APOL2: variants seen among roughly 807,000 people sequenced by gnomAD.
The protein encoded by APOL2 is apolipoprotein L2.
In APOL2, 8 loss-of-function variants were observed where a neutral mutation model predicts 7.1. The observed-to-expected ratio is 1.12, with a 90% CI of 0.66 to 2.03. The LOEUF is 2.03. Ranked by LOEUF, APOL2 falls within the 30% of genes most tolerant of loss-of-function variation. The pLI, the probability that APOL2 is intolerant of heterozygous loss-of-function variation, is 0.00. For missense variants in APOL2, 471 were observed against 415.1 expected, an observed-to-expected ratio of 1.13 and a Z score of -1.17; for synonymous variants, 177 against 159.9, an observed-to-expected ratio of 1.11 and a Z score of -0.81.
At chr22:36,228,456 A>G (rs569337792) in intron 4 of APOL2, among the ~76,000 whole-genome samples, 176 bp from the exon 5 acceptor site, 4 of 152,252 alleles carry the variant, frequency 2.6e-5, no homozygotes, top group Non-Finnish European at 5.9e-5. Flanking sequence ...TTCATCATAG[A>G]TATTCCTCAG....
At chr22:36,236,277 A>G (rs1466895572) in intron 1 of APOL2, among the ~76,000 whole-genome samples, 1 of 152,262 alleles carries the variant, frequency 6.6e-6, no homozygotes, top group Non-Finnish European at 1.5e-5. Flanking sequence ...CAAAGGTAGC[A>G]GTTGGGATGT....
chr22:36,239,845 C>T (rs1184776184), upstream of APOL2: 3 of 312,320 alleles, frequency 9.6e-6, no homozygotes, highest in East Asian at 6.9e-5. Context: ...CCGCTTGCCC[C>T]CCAACCCCCG....
Position 36,233,391 on chromosome 22 carries a change from C to G in APOL2, c.-80+11G>C. 2 of 1,553,976 alleles carry G rather than the reference C, an allele frequency of 1.3e-6. No homozygotes were observed. The highest frequency in any genetic ancestry group is 2.3e-5 in the South Asian group (2 of 85,118). ...CTGGGGCCCTGCCAGCTAGTATTTACAGAAACTCACCTCGTTCCAGCTTCC... is the reference window on the plus strand; with the variant it reads ...CTGGGGCCCTGCCAGCTAGTATTTAGAGAAACTCACCTCGTTCCAGCTTCC... On this transcript the variant is annotated intron_variant, in intron 2 of 4. Transcript: ENST00000358502.
At chr22:36,239,297 C>T in intron 1 of APOL2, 144 bp downstream of exon 1, 2 of 1,358,324 alleles carry the variant, frequency 1.5e-6, no homozygotes, top group Non-Finnish European at 1.9e-6. Flanking sequence ...GGTGCAAATC[C>T]CGGCTCTGCC....
Position 36,228,098 on chromosome 22 carries a change from T to C in APOL2, c.320A>G (p.Glu107Gly). The change falls in exon 5 of 5, where the codon GAG becomes GGG. Residue 107 changes from glutamate to glycine, a missense_variant. Transcript: ENST00000358502. Reference sequence around the variant, plus strand: ...AATGGTGGTGCCTCTGTGGACCTGCTCAACCTCCTCTGCAAGGGCACGGAG... The same window carrying C: ...AATGGTGGTGCCTCTGTGGACCTGCCCAACCTCCTCTGCAAGGGCACGGAG... ...RKLRALAEEV[E>G]QVHRGTTIAN... 6.2e-7 allele frequency: 1 copy of C among 1,614,242 alleles called. No individual in the cohort carries two copies. Among genetic ancestry groups the C allele is most frequent in the Non-Finnish European group, 8.5e-7 (1 of 1,180,036 alleles).
At chr22:36,239,079 T>C (rs977207133) in intron 1 of APOL2, 8 of 1,133,318 alleles carry the variant, frequency 7.1e-6, no homozygotes, top group Non-Finnish European at 8.7e-6. Flanking sequence ...CCTCCCCTCC[T>C]CCACCTTCTT....
rs1208968085 is a variant in APOL2 at position 36,228,166 on chromosome 22, CTCTT to C, written c.248_251del (p.Lys83SerfsTer5). The C allele has an allele frequency of 1.9e-6, 3 of 1,614,212 alleles. No homozygotes were observed. The highest frequency in any genetic ancestry group is 2.5e-6 in the Non-Finnish European group (3 of 1,180,036). On this transcript the variant is annotated frameshift_variant, in exon 5 of 5. Transcript: ENST00000358502. LOFTEE classifies it low-confidence loss of function (END_TRUNC). ...CAAGCTCCCTTTTCAACCGAGGAAA[CTCTT>C]TCAAAAACCACTGCCTGTGCTGCTG...
At chr22:36,230,152 G>A (rs1007458515) in intron 4 of APOL2, among the ~76,000 whole-genome samples, 1 of 152,228 alleles carries the variant, frequency 6.6e-6, no homozygotes, top group African/African-American at 2.4e-5. Flanking sequence ...GGTCAAGATG[G>A]TAGAGGAAGT....
chr22:36,234,212 T>C (rs2015326664), intron 1 of APOL2: 2 of 152,258 alleles, frequency 1.3e-5, no homozygotes, highest in Non-Finnish European at 2.9e-5. Context: ...TCAAAAGCTA[T>C]TAACATCTCA....
At position 36,231,370 on chromosome 22, in the gene APOL2, T is replaced by C; in HGVS notation, c.107A>G (p.Asn36Ser). The C allele has an allele frequency of 6.2e-7, 1 of 1,614,120 alleles. No individual in the cohort carries two copies. The highest frequency in any genetic ancestry group is 8.5e-7 in the Non-Finnish European group (1 of 1,179,948). The change falls in exon 4 of 5, where the codon AAT (asparagine) becomes AGT (serine). Residue 36 changes from asparagine to serine, a missense_variant. Asn to Ser is a conservative substitution (Grantham distance 46). Coordinates refer to ENST00000358502, the MANE Select transcript of APOL2 (RefSeq NM_030882.4). The part of the protein sequence containing the change: ...LQLLTDDEAW[N>S]GFVAAAELPR... ...CAGTTCAGCAGCAGCCACGAATCCA[T>C]TCCAGGCTTCATCATCAGTCAGCAG...
At chr22:36,229,299 G>C (rs2015136745) in intron 4 of APOL2, among the ~76,000 whole-genome samples, 1 of 152,150 alleles carries the variant, frequency 6.6e-6, no homozygotes, top group East Asian at 1.9e-4. Flanking sequence ...CCCCCACCCT[G>C]GTGTTGGCTG....
chr22:36,239,182 A>G lies in APOL2; in HGVS notation c.-134+259T>C, dbSNP rs113778326. 3,918 of 1,263,926 alleles carry G rather than the reference A, an allele frequency of 3.1e-3. 99 individuals are homozygous for G. In the African/African-American group the frequency reaches 0.052, roughly 17 times the overall value. The allele number at this position is 1,263,926 out of a possible 1,614,324, so 78.3% of individuals were successfully genotyped here. A position where few individuals can be genotyped will look rare whatever the true frequency, so the allele number is the denominator to read the frequency against. On this transcript the variant is annotated intron_variant, in intron 1 of 4. Transcript: ENST00000358502. ...CCGTGTCTGAGGGTGTCAGAACCAG[A>G]GCTGAGCCCGGGGAGCTTTGTGAAC...
At chr22:36,238,488 G>C (rs1041627108) in intron 1 of APOL2, among the ~76,000 whole-genome samples, 15 of 152,088 alleles carry the variant, frequency 9.9e-5, no homozygotes, top group African/African-American at 3.6e-4. Context: ...CACAGCTCTT[G>C]GAGGGCAGAG....
chr22:36,227,798 A>G lies in APOL2; in HGVS notation c.620T>C (p.Leu207Pro). ...TTGGTACCAATTGTCAACTAAGGTA[A>G]GAACATTGGGTGTGTTCCCACCCAC... The part of the protein sequence containing the change: ...EFVGGNTPNV[L>P]TLVDNWYQVT... Residue 207 changes from leucine (L) to proline (P), a missense_variant, in exon 5 of 5, where the codon CTT becomes CCT. Physicochemically the swap from Leu to Pro is moderately conservative, Grantham distance 98. Transcript: ENST00000358502. The G allele has an allele frequency of 6.2e-7, 1 of 1,614,252 alleles. No homozygotes were observed. The highest frequency in any genetic ancestry group is 1.1e-5 in the South Asian group (1 of 91,088).
At position 36,227,298 on chromosome 22, in the gene APOL2, A is replaced by G. The variant is rs1340510366; in HGVS notation, c.*106T>C. On this transcript the variant is annotated 3_prime_UTR_variant, in exon 5 of 5. Coordinates refer to ENST00000358502, the MANE Select transcript of APOL2 (RefSeq NM_030882.4). The stretch of plus-strand genomic sequence containing the variant: ...GCCACTGCACTCCATCCTGGGCGAT[A>G]GAGCGAGACTCCATCTCAAAAAAAA... 2 of 1,366,860 alleles carry G rather than the reference A, an allele frequency of 1.5e-6. No homozygotes were observed. Among genetic ancestry groups the G allele is most frequent in the Non-Finnish European group, 1.9e-6 (2 of 1,031,094 alleles). The allele number at this position is 1,366,860 out of a possible 1,614,324, so 84.7% of individuals were successfully genotyped here.
rs572375798 is a variant in APOL2 at position 36,226,782 on chromosome 22, T to A, written c.*622A>T. The A allele has an allele frequency of 6.3e-6, 1 of 157,670 alleles. No individual in the cohort carries two copies. The highest frequency in any genetic ancestry group is 1.8e-4 in the South Asian group (1 of 5,674). 9.8% of individuals were successfully genotyped at this position (157,670 alleles called of 1,614,324 possible). A position where few individuals can be genotyped will look rare whatever the true frequency, so the allele number is the denominator to read the frequency against. ...CTTCTCATTGCTGGTTCCTGCAAGC[T>A]CCCCCTCTATTCTTCGCCCAATATA... On this transcript the variant is annotated 3_prime_UTR_variant, in exon 5 of 5. Transcript: ENST00000358502.
chr22:36,230,496 A>G (rs1000145457), intron 4 of APOL2, among the ~76,000 whole-genome samples: 8 of 152,038 alleles, frequency 5.3e-5, no homozygotes, highest in African/African-American at 1.7e-4. Flanking sequence ...TCCACACCCT[A>G]GTCCCAGCCC....
chr22:36,227,675 C>G lies in APOL2; in HGVS notation c.743G>C (p.Arg248Pro). 1 of 1,614,248 alleles carries G rather than the reference C, an allele frequency of 6.2e-7. No individual in the cohort carries two copies. Among genetic ancestry groups the G allele is most frequent in the Non-Finnish European group, 8.5e-7 (1 of 1,180,046 alleles). Reference sequence around the variant, plus strand: ...CTGTTCACCGCCTTCAGCTGAGATTCGCCCAATGACATGCGGGGGTGGGGC... The same window carrying G: ...CTGTTCACCGCCTTCAGCTGAGATTGGCCCAATGACATGCGGGGGTGGGGC... ...AYAPPPHVIG[R>P]ISAEGGEQVE... The change falls in exon 5 of 5, where the codon CGA becomes CCA. Residue 248 changes from arginine to proline, a missense_variant. By Grantham distance (103) the Arg-to-Pro change is moderately radical (BLOSUM62 -2). Coordinates refer to ENST00000358502, the MANE Select transcript of APOL2 (RefSeq NM_030882.4).
rs2015070991 is a variant in APOL2, at chr22:36,227,884, T to C, written c.534A>G (p.Arg178=). Residue 178 remains arginine (R), a synonymous_variant, in exon 5 of 5, where the codon CGA becomes CGG. Coordinates refer to ENST00000358502, the MANE Select transcript of APOL2 (RefSeq NM_030882.4). Reference sequence around the variant, plus strand: ...TTTGGTCCAAGTTGCGGGCTTGGGCTCGTGCCCGCAATTTGTTTACTAGTT... The same window carrying C: ...TTTGGTCCAAGTTGCGGGCTTGGGCCCGTGCCCGCAATTTGTTTACTAGTT... ...VVELVNKLRA[R]AQARNLDQSG... is the part of the protein sequence containing the mutation. The C allele has an allele frequency of 1.2e-6, 2 of 1,614,112 alleles. No individual in the cohort carries two copies. Among genetic ancestry groups the C allele is most frequent in the South Asian group, 2.2e-5 (2 of 91,090 alleles).
Sources: allele counts gnomAD v4.1 joint callset (sites outside exome capture counted in the v4.1 genomes callset), GRCh38; gene constraint gnomAD v4.1.1; transcripts MANE v1.5; gene names NCBI Gene and HGNC (gene_info 2026-07-23, HGNC 2026-07-21).